The following SYNDIG1 variants were observed in gnomAD, a reference collection of about 807,000 sequenced individuals.
SYNDIG1 encodes the protein synapse differentiation-inducing gene protein 1.
SYNDIG1 carries 9 observed loss-of-function variants against 19.4 expected under a neutral mutation model. The observed-to-expected ratio is 0.46, with a 90% CI of 0.28 to 0.81. The LOEUF (loss-of-function observed/expected upper bound fraction) is 0.81, where lower values mean the gene tolerates loss of function less well. Ranked by LOEUF, SYNDIG1 falls within the 30% of genes least tolerant of loss-of-function variation. The pLI is 0.12. For missense variants in SYNDIG1, 311 were observed against 343.3 expected (o/e 0.91, Z 0.74); for synonymous variants, 141 against 145.9 (o/e 0.97, Z 0.24).
intron 3 of SYNDIG1, among the ~76,000 whole-genome samples, chr20:24,617,158 C>T (rs1390469204): frequency 6.6e-6 from 1 of 152,170 alleles, no homozygotes; most frequent in Admixed American, 6.5e-5. Context: ...CGCCTGGGTG[C>T]TGTCCCCAGG....
intron 2 of SYNDIG1, among the ~76,000 whole-genome samples, chr20:24,571,559 T>G (rs1160617719): frequency 2.6e-5 from 4 of 152,324 alleles, no homozygotes; most frequent in African/African-American, 9.6e-5. Flanking sequence ...TTATATTATA[T>G]GAAGTCATGT....
chr20:24,587,458 G>C (rs2058435565), intron 3 of SYNDIG1, among the ~76,000 whole-genome samples: 1 of 152,226 alleles, frequency 6.6e-6, no homozygotes, highest in African/African-American at 2.4e-5. Flanking sequence ...AAGCAGCCCT[G>C]CACAGGACGC....
At chr20:24,497,287 C>T (rs549549025) in intron 1 of SYNDIG1, among the ~76,000 whole-genome samples, 13 of 152,088 alleles carry the variant, frequency 8.5e-5, no homozygotes, top group South Asian at 2.1e-4. Context: ...CTGCAATCTT[C>T]GCCTCCCAGT....
intron 1 of SYNDIG1, among the ~76,000 whole-genome samples, chr20:24,507,082 C>G (rs1468499271): frequency 1.3e-5 from 2 of 152,080 alleles, no homozygotes; most frequent in Non-Finnish European, 2.9e-5. Context: ...GGGAAGTGAG[C>G]TTTTAGGGAG....
At chr20:24,557,100 G>T (rs1057363342) in intron 2 of SYNDIG1, among the ~76,000 whole-genome samples, 7 of 152,072 alleles carry the variant, frequency 4.6e-5, no homozygotes, top group African/African-American at 1.4e-4. Context: ...GATCGCATCA[G>T]CTCCTGAGGC....
In SYNDIG1 at chr20:24,486,599, G is replaced by T. The variant is rs558635695; in HGVS notation, c.-79+16846G>T. ...GCGAGCTCTGGTCCAGTGGGTCGCT[G>T]GAACCTGAGAGTCTCCATTTCTTTT... On this transcript the variant is annotated intron_variant, in intron 1 of 3. Coordinates refer to ENST00000376862, the MANE Select transcript of SYNDIG1 (RefSeq NM_024893.3). 1.8e-4 allele frequency among the ~76,000 whole-genome samples: 28 copies of T among 151,850 alleles called. 1 individual carries two copies. In the South Asian group the frequency reaches 5.2e-3, roughly 28 times the overall value.
chr20:24,523,119 T>C (rs1299798391), intron 1 of SYNDIG1, among the ~76,000 whole-genome samples: 3 of 152,208 alleles, frequency 2.0e-5, no homozygotes, highest in African/African-American at 7.2e-5. Flanking sequence ...TGAGTCCAGC[T>C]TACTGGCTAT....
chr20:24,610,580 TC>T (rs2147173308), intron 3 of SYNDIG1, among the ~76,000 whole-genome samples: 1 of 152,288 alleles, frequency 6.6e-6, no homozygotes, highest in South Asian at 2.1e-4. Flanking sequence ...ATTGTTCTGG[TC>T]CTTAAGCTGA....
intron 2 of SYNDIG1, among the ~76,000 whole-genome samples, chr20:24,558,605 G>A: frequency 6.6e-6 from 1 of 152,090 alleles, no homozygotes; most frequent in East Asian, 1.9e-4. Context: ...AGTTATTATT[G>A]TTTCTCTACT....
chr20:24,476,856 C>T (rs541741834), intron 1 of SYNDIG1, among the ~76,000 whole-genome samples: 1 of 152,270 alleles, frequency 6.6e-6, no homozygotes, highest in East Asian at 2.0e-4. Flanking sequence ...CAAGGAGAGT[C>T]ATTTGTCCAG....
In SYNDIG1 at chr20:24,512,153, A is replaced by ATATATATG. The variant is rs1221978118; in HGVS notation, c.-78-30866_-78-30865insATATATGT. Among the ~76,000 whole-genome samples the ATATATATG allele has an allele frequency of 4.4e-5, 5 of 112,794 alleles. No homozygotes were observed. In the East Asian group the frequency reaches 1.1e-3, roughly 25 times the overall value. 74.0% of individuals were successfully genotyped at this position (112,794 alleles called of 152,430 possible). ...TATATATATATATATATATATATAT[A>ATATATATG]TGCAGTGGTTCCAAGATGGCCGAAT... On this transcript the variant is annotated intron_variant, in intron 1 of 3. Transcript: ENST00000376862.
At chr20:24,578,811 G>A (rs1314871846) in intron 2 of SYNDIG1, among the ~76,000 whole-genome samples, 2 of 152,172 alleles carry the variant, frequency 1.3e-5, no homozygotes, top group African/African-American at 2.4e-5. Flanking sequence ...TGCTGTGAGC[G>A]CAAGGTCAGA....
At chr20:24,659,275 C>T (rs924785981) in intron 3 of SYNDIG1, among the ~76,000 whole-genome samples, 2 of 152,328 alleles carry the variant, frequency 1.3e-5, no homozygotes, top group South Asian at 2.1e-4. Flanking sequence ...CAGTGACTAC[C>T]GGCCATGATT....
At chr20:24,525,210 C>T (rs1314769607) in intron 1 of SYNDIG1, among the ~76,000 whole-genome samples, 2 of 150,592 alleles carry the variant, frequency 1.3e-5, no homozygotes, top group Non-Finnish European at 3.0e-5. Flanking sequence ...ATTGTATCAA[C>T]TTTTATATGA....
chr20:24,612,185 T>C (rs2058859263), intron 3 of SYNDIG1, among the ~76,000 whole-genome samples: 2 of 152,238 alleles, frequency 1.3e-5, no homozygotes, highest in Admixed American at 1.3e-4. Flanking sequence ...TTAATTCTCA[T>C]CACCACTTAG....
intron 1 of SYNDIG1, among the ~76,000 whole-genome samples, chr20:24,489,633 TAAAC>T (rs778124021): frequency 2.6e-5 from 4 of 152,224 alleles, no homozygotes; most frequent in East Asian, 3.9e-4. Flanking sequence ...CACACATGCT[TAAAC>T]AGACATACAT....
intron 1 of SYNDIG1, among the ~76,000 whole-genome samples, chr20:24,522,707 A>T (rs187208421): frequency 2.4e-3 from 359 of 152,224 alleles, no homozygotes; most frequent in Middle Eastern, 0.017. Context: ...GGGCATTTGT[A>T]AAGAAAAGAG....
At chr20:24,599,085 A>G (rs1052375283) in intron 3 of SYNDIG1, among the ~76,000 whole-genome samples, 3 of 152,210 alleles carry the variant, frequency 2.0e-5, no homozygotes, top group African/African-American at 7.2e-5. Context: ...TTTGCAAACT[A>G]GACATCTCAC....
chr20:24,492,203 C>A (rs6049737), intron 1 of SYNDIG1, among the ~76,000 whole-genome samples: 1 of 151,996 alleles, frequency 6.6e-6, no homozygotes, highest in African/African-American at 2.4e-5. Flanking sequence ...ATGTGCCCCC[C>A]ACTTTTCGCT....
Sources: allele counts gnomAD v4.1 joint callset (sites outside exome capture counted in the v4.1 genomes callset), GRCh38; gene constraint gnomAD v4.1.1; transcripts MANE v1.5; gene names NCBI Gene and HGNC (gene_info 2026-07-23, HGNC 2026-07-21).